CDH13: variants seen among roughly 807,000 people sequenced by gnomAD.
CDH13 encodes the protein cadherin 13.
Under a neutral mutation model 63.8 loss-of-function variants are expected in CDH13, and 24 were observed. The ratio of observed to expected loss-of-function variants is 0.38; its 90% confidence interval spans 0.27 to 0.53. The LOEUF is 0.53. Among genes scored for constraint, CDH13 ranks in the 20% least tolerant of loss-of-function variants. The pLI, the probability that CDH13 is intolerant of heterozygous loss-of-function variation, is 0.85. For missense variants in CDH13, 1,049 were observed against 903.1 expected (o/e 1.16, Z -2.07); for synonymous variants, 503 against 355.3 (o/e 1.42, Z -4.67).
At chr16:83,271,576 A>G (rs565303708) in intron 5 of CDH13, among the ~76,000 whole-genome samples, 2 of 151,978 alleles carry the variant, frequency 1.3e-5, no homozygotes, top group South Asian at 4.2e-4. Flanking sequence ...AAAGAATAAT[A>G]TAATGCATAC....
chr16:83,084,110 A>G (rs527476683), intron 3 of CDH13, among the ~76,000 whole-genome samples: 7 of 152,286 alleles, frequency 4.6e-5, no homozygotes, highest in South Asian at 2.1e-4. Context: ...TCAGAAGTCA[A>G]TTTGGATGTT....
At chr16:83,129,637 T>A (rs1242717258) in intron 4 of CDH13, among the ~76,000 whole-genome samples, 3 of 152,164 alleles carry the variant, frequency 2.0e-5, no homozygotes, top group African/African-American at 4.8e-5. Context: ...CTCCCAGCAG[T>A]CACTGGTGGA....
chr16:83,250,069 C>G (rs1005174072), intron 5 of CDH13, among the ~76,000 whole-genome samples: 3 of 152,094 alleles, frequency 2.0e-5, no homozygotes, highest in Non-Finnish European at 4.4e-5. Context: ...CCTTTAGTTG[C>G]AAATCCTTTA....
chr16:82,854,387 C>G (rs1271445518), intron 1 of CDH13, among the ~76,000 whole-genome samples: 2 of 95,460 alleles, frequency 2.1e-5, no homozygotes, highest in Non-Finnish European at 3.9e-5. Context: ...GGTGACAGAG[C>G]AAGGCTCTGT....
chr16:83,525,058 G>A (rs2074929127), intron 7 of CDH13, among the ~76,000 whole-genome samples: 1 of 152,144 alleles, frequency 6.6e-6, no homozygotes, highest in Non-Finnish European at 1.5e-5. Flanking sequence ...TTGGTCTGAT[G>A]CACACAGTGG....
intron 2 of CDH13, among the ~76,000 whole-genome samples, chr16:82,997,467 A>G (rs964910268): frequency 6.6e-6 from 1 of 152,242 alleles, no homozygotes; most frequent in East Asian, 1.9e-4. Context: ...TTTTATAAAA[A>G]TAAAAATTAG....
rs1463412262 is a variant in CDH13 at position 83,229,981 on chromosome 16, T to C, written c.636+12484T>C. 3.9e-5 allele frequency among the ~76,000 whole-genome samples: 6 copies of C among 152,268 alleles called. No individual in the cohort carries two copies. In the East Asian group the frequency reaches 1.2e-3, roughly 29 times the overall value. On this transcript the variant is annotated intron_variant, in intron 5 of 13. Transcript: ENST00000567109. The stretch of plus-strand genomic sequence containing the variant: ...GGATAGTCAGTGTTTGACAATAAGA[T>C]GCTGGGAGGAGAGCCCTGTGCTCTT...
chr16:83,003,250 C>T (rs937686180), intron 2 of CDH13, among the ~76,000 whole-genome samples: 9 of 152,120 alleles, frequency 5.9e-5, no homozygotes, highest in African/African-American at 1.4e-4. Flanking sequence ...TGCTCTTGGG[C>T]GGTGAGAGGA....
chr16:83,560,899 G>GCC (rs138383978), intron 7 of CDH13, among the ~76,000 whole-genome samples: 4,785 of 148,438 alleles, frequency 0.032, 105 homozygotes, highest in East Asian at 0.13. Context: ...CATAAGGTTG[G>GCC]CCCCCCCCCC....
At chr16:83,764,950 C>T (rs1019916113) in intron 11 of CDH13, among the ~76,000 whole-genome samples, 5 of 152,192 alleles carry the variant, frequency 3.3e-5, no homozygotes, top group African/African-American at 1.2e-4. Flanking sequence ...ACAAAATAGC[C>T]ACACCACTTC....
In CDH13 at chr16:82,740,659, G is replaced by A. The variant is rs145764232; in HGVS notation, c.45+113522G>A. ...GACGTCTCATTCTTCTGAGGACAGCGTGCTCCTTCGGAAACATTCTTTTCC... is the reference window on the plus strand; with the variant it reads ...GACGTCTCATTCTTCTGAGGACAGCATGCTCCTTCGGAAACATTCTTTTCC... On this transcript the variant is annotated intron_variant, in intron 1 of 13. Coordinates refer to ENST00000567109, the MANE Select transcript of CDH13 (RefSeq NM_001257.5). 2.7e-4 allele frequency among the ~76,000 whole-genome samples: 41 copies of A among 152,268 alleles called. No homozygotes were observed. In the East Asian group the frequency reaches 3.7e-3, roughly 14 times the overall value.
At chr16:83,750,534 C>A (rs533608732) in intron 11 of CDH13, among the ~76,000 whole-genome samples, 1 of 152,216 alleles carries the variant, frequency 6.6e-6, no homozygotes, top group African/African-American at 2.4e-5. Context: ...AGGCTTGTTG[C>A]GGATGTGGTT....
chr16:83,081,004 C>T (rs910325488), intron 3 of CDH13, among the ~76,000 whole-genome samples: 1 of 149,678 alleles, frequency 6.7e-6, no homozygotes, highest in Non-Finnish European at 1.5e-5. Context: ...GCCTCAGCCT[C>T]CCGAGTAACT....
rs576765523 is a variant in CDH13 at position 83,108,311 on chromosome 16, T to A, written c.367-17074T>A. ...CTGTCCATGCCCCACCTGTAAATGT[T>A]TGTGTTGCAGAACTTTCCCCTTAGT... On this transcript the variant is annotated intron_variant, in intron 3 of 13. Coordinates refer to ENST00000567109, the MANE Select transcript of CDH13 (RefSeq NM_001257.5). Among the ~76,000 whole-genome samples, 6 of 152,262 alleles carry A rather than the reference T, an allele frequency of 3.9e-5. No individual in the cohort carries two copies. The East Asian group carries it at 7.7e-4, about 20-fold the overall frequency.
intron 2 of CDH13, among the ~76,000 whole-genome samples, chr16:82,969,161 A>T (rs1265280349): frequency 6.6e-6 from 1 of 152,190 alleles, no homozygotes; most frequent in Admixed American, 6.5e-5. Flanking sequence ...GTTAGAATCG[A>T]TATCTAGGTC....
At chr16:83,530,001 C>T (rs1273724489) in intron 7 of CDH13, among the ~76,000 whole-genome samples, 10 of 152,108 alleles carry the variant, frequency 6.6e-5, no homozygotes, top group African/African-American at 2.2e-4. Flanking sequence ...AGTGACTTCT[C>T]TGGAGTTGCA....
intron 2 of CDH13, among the ~76,000 whole-genome samples, chr16:82,909,741 C>A (rs2041768013): frequency 6.6e-6 from 1 of 152,058 alleles, no homozygotes; most frequent in Non-Finnish European, 1.5e-5. Context: ...GGGTTCCTCC[C>A]ACAACACATG....
At chr16:82,950,500 G>C (rs765159407) in intron 2 of CDH13, among the ~76,000 whole-genome samples, 1 of 152,134 alleles carries the variant, frequency 6.6e-6, no homozygotes. Context: ...AGTCTCAGGA[G>C]ATCTGATGGT....
chr16:83,174,647 C>T (rs990211640), intron 4 of CDH13, among the ~76,000 whole-genome samples: 3 of 151,978 alleles, frequency 2.0e-5, no homozygotes, highest in Admixed American at 2.0e-4. Context: ...AAAGTTAAAA[C>T]TTTAGTTTAC....
Sources: allele counts gnomAD v4.1 joint callset (sites outside exome capture counted in the v4.1 genomes callset), GRCh38; gene constraint gnomAD v4.1.1; transcripts MANE v1.5; gene names NCBI Gene and HGNC (gene_info 2026-07-23, HGNC 2026-07-21).